Variants in ZNF148 observed in about 807,000 individuals in gnomAD.
ZNF148 encodes Beta-Enolase Repressor Factor-1.
Under a neutral mutation model 67.7 loss-of-function variants are expected in ZNF148, and 7 were observed. That is an observed-to-expected ratio of 0.10 (90% CI 0.06 to 0.19). The LOEUF is 0.19. ZNF148 is among the 10% of genes least tolerant of loss of function. The probability of loss-of-function intolerance (pLI) is 1.00; values close to 1 mark genes in which losing one functional copy is unlikely to be tolerated. For synonymous variants in ZNF148, 333 were observed against 330.7 expected, an observed-to-expected ratio of 1.01 and a Z score of -0.08; for missense variants, 583 against 947.1, an observed-to-expected ratio of 0.62 and a Z score of 5.05.
chr3:125,248,277 TTTAAA>T (rs768560352), intron 7 of ZNF148, among the ~76,000 whole-genome samples: 1 of 152,214 alleles, frequency 6.6e-6, no homozygotes, highest in Non-Finnish European at 1.5e-5. Flanking sequence ...CTTCTAACAT[TTTAAA>T]TTAGTCATGT....
intron 1 of ZNF148, among the ~76,000 whole-genome samples, chr3:125,370,466 C>T (rs1942843847): frequency 6.6e-6 from 1 of 152,172 alleles, no homozygotes; most frequent in South Asian, 2.1e-4. Flanking sequence ...GTTAGTTTCC[C>T]TAGAGACTAC....
chr3:125,366,868 T>C (rs975892196), intron 1 of ZNF148, among the ~76,000 whole-genome samples: 20 of 152,198 alleles, frequency 1.3e-4, no homozygotes, highest in African/African-American at 4.8e-4. Context: ...ATCAATCCCT[T>C]CAAAGACTAG....
chr3:125,297,950 C>T (rs1432183103), intron 4 of ZNF148, among the ~76,000 whole-genome samples: 1 of 152,132 alleles, frequency 6.6e-6, no homozygotes, highest in Non-Finnish European at 1.5e-5. Flanking sequence ...CATCTAGAAA[C>T]AATCTAAATG....
Position 125,228,620 on chromosome 3 carries a change from CA to C in ZNF148, c.*3720del, listed in dbSNP as rs1402931604. 1 of 152,520 alleles carries C rather than the reference CA, an allele frequency of 6.6e-6. No homozygotes were observed. The highest frequency in any genetic ancestry group is 1.5e-5 in the Non-Finnish European group (1 of 68,008). 9.4% of individuals were successfully genotyped at this position (152,520 alleles called of 1,614,324 possible). On this transcript the variant is annotated 3_prime_UTR_variant, in exon 9 of 9. Transcript: ENST00000360647. ...GTACATATTTACAGATTCTTAAAAA[CA>C]AGCTGTAAAAACATTACATACTTTC...
chr3:125,288,461 C>T (rs1349139320), intron 4 of ZNF148, among the ~76,000 whole-genome samples: 1 of 150,792 alleles, frequency 6.6e-6, no homozygotes, highest in Non-Finnish European at 1.5e-5. Context: ...TTTAATCTAC[C>T]TGAGAAAAAA....
intron 7 of ZNF148, among the ~76,000 whole-genome samples, chr3:125,237,022 T>C (rs1470738611): frequency 6.6e-6 from 1 of 152,050 alleles, no homozygotes; most frequent in African/African-American, 2.4e-5. Context: ...TAAAGGAAGT[T>C]TGGAAGTGAA....
intron 7 of ZNF148, among the ~76,000 whole-genome samples, chr3:125,253,042 C>A (rs1683430586): frequency 6.6e-6 from 1 of 152,190 alleles, no homozygotes; most frequent in Non-Finnish European, 1.5e-5. Context: ...CTCTCTCTGA[C>A]ACATACGCAT....
At chr3:125,307,278 G>T (rs983554485) in intron 4 of ZNF148, among the ~76,000 whole-genome samples, 3 of 151,496 alleles carry the variant, frequency 2.0e-5, no homozygotes, top group Non-Finnish European at 4.4e-5. Flanking sequence ...TGCAGAAGAA[G>T]TACTTGATGA....
chr3:125,235,744 T>C (rs890365067), intron 7 of ZNF148, among the ~76,000 whole-genome samples: 2 of 151,880 alleles, frequency 1.3e-5, no homozygotes, highest in Non-Finnish European at 2.9e-5. Context: ...ATGTGGCACA[T>C]ATACACCATG....
chr3:125,374,729 A>AG (rs1376064837), intron 1 of ZNF148, among the ~76,000 whole-genome samples: 1 of 152,040 alleles, frequency 6.6e-6, no homozygotes, highest in Non-Finnish European at 1.5e-5. Flanking sequence ...CACGGTGGAC[A>AG]GAGCCCTGGT....
chr3:125,317,726 T>C (rs1940589064), intron 3 of ZNF148, among the ~76,000 whole-genome samples: 1 of 145,058 alleles, frequency 6.9e-6, no homozygotes, highest in Non-Finnish European at 1.5e-5. Context: ...TTTTTTTTTT[T>C]CTGGTAAGAA....
intron 7 of ZNF148, among the ~76,000 whole-genome samples, chr3:125,259,293 C>A (rs760270499): frequency 2.0e-5 from 3 of 152,098 alleles, no homozygotes; most frequent in Non-Finnish European, 4.4e-5. Flanking sequence ...TATAGTAAAA[C>A]CACAGTGAGA....
chr3:125,329,151 G>A (rs1249180906), intron 2 of ZNF148, among the ~76,000 whole-genome samples: 3 of 150,234 alleles, frequency 2.0e-5, no homozygotes, highest in African/African-American at 4.9e-5. Flanking sequence ...TAATAAACAT[G>A]AGTAAAGAAG....
chr3:125,240,426 T>G (rs1936296972), intron 7 of ZNF148, among the ~76,000 whole-genome samples: 2 of 152,048 alleles, frequency 1.3e-5, no homozygotes, highest in African/African-American at 4.8e-5. Flanking sequence ...GAACCAATAA[T>G]TAACAGTTTA....
chr3:125,256,559 C>T (rs1937087271), intron 7 of ZNF148, among the ~76,000 whole-genome samples: 1 of 152,018 alleles, frequency 6.6e-6, no homozygotes, highest in African/African-American at 2.4e-5. Flanking sequence ...GCCTGTAATC[C>T]CAGCTACTCG....
chr3:125,308,270 T>C (rs531797391), intron 4 of ZNF148, among the ~76,000 whole-genome samples: 1 of 152,240 alleles, frequency 6.6e-6, no homozygotes, highest in African/African-American at 2.4e-5. Flanking sequence ...CAATTAGAAT[T>C]TGACATTTTA....
chr3:125,264,662 TTC>T (rs987427257), intron 7 of ZNF148, among the ~76,000 whole-genome samples: 3 of 152,256 alleles, frequency 2.0e-5, no homozygotes, highest in Non-Finnish European at 2.9e-5. Context: ...CTCCAATTTC[TTC>T]TGTTTAAACA....
At chr3:125,370,552 T>C (rs941169898) in intron 1 of ZNF148, among the ~76,000 whole-genome samples, 3 of 152,146 alleles carry the variant, frequency 2.0e-5, no homozygotes, top group Non-Finnish European at 4.4e-5. Flanking sequence ...AAATACAAAA[T>C]TTAGCAATAC....
At chr3:125,312,238 C>A (rs961621624) in intron 4 of ZNF148, among the ~76,000 whole-genome samples, 1 of 152,136 alleles carries the variant, frequency 6.6e-6, no homozygotes, top group Non-Finnish European at 1.5e-5. Flanking sequence ...ATACCACAAA[C>A]AAGCAGGATT....
Sources: gnomAD v4.1 joint callset for allele counts (sites outside exome capture counted in the v4.1 genomes callset) on GRCh38, gnomAD v4.1.1 for gene constraint, MANE v1.5 for transcripts, NCBI Gene and HGNC (gene_info 2026-07-23, HGNC 2026-07-21) for gene names.